The following IRAK2 variants were observed in gnomAD, a reference collection of about 807,000 sequenced individuals.
IRAK2 encodes the protein interleukin-1 receptor-associated kinase-like 2.
Under a neutral mutation model 72.0 loss-of-function variants are expected in IRAK2, and 57 were observed. The observed-to-expected ratio is 0.79, with a 90% confidence interval of 0.64 to 0.99. The LOEUF (loss-of-function observed/expected upper bound fraction) is 0.99, where lower values mean the gene tolerates loss of function less well. Ranked by LOEUF, IRAK2 falls within the 50% of genes least tolerant of loss-of-function variation. The pLI is 0.00. For missense variants in IRAK2, 790 were observed against 794.4 expected (o/e 0.99, Z 0.07); for synonymous variants, 293 against 312.7 (o/e 0.94, Z 0.67).
rs34176794 is a variant in IRAK2 at position 10,165,721 on chromosome 3, A to ATTTTTTTTT, written c.94+692_94+700dup. On this transcript the variant is annotated intron_variant, in intron 1 of 12. Transcript: ENST00000256458. ...ATGTTGGCCAGACTGGTCTTGAACT[A>ATTTTTTTTT]TTTTTTTTTTTTTTTTTTTTTTTTT... 1.3e-3 allele frequency among the ~76,000 whole-genome samples: 97 copies of ATTTTTTTTT among 76,770 alleles called. 4 individuals are homozygous for ATTTTTTTTT. Among genetic ancestry groups the ATTTTTTTTT allele is most frequent in the African/African-American group, 4.8e-3 (96 of 19,856 alleles). 50.4% of individuals were successfully genotyped at this position (76,770 alleles called of 152,430 possible).
At chr3:10,200,806 T>A (rs1471590680) in intron 3 of IRAK2, among the ~76,000 whole-genome samples, 1 of 151,994 alleles carries the variant, frequency 6.6e-6, no homozygotes, top group Non-Finnish European at 1.5e-5. Context: ...GAGGCTGAGG[T>A]AGGGGGATTG....
At chr3:10,229,027 G>A (rs1711114) in intron 10 of IRAK2, among the ~76,000 whole-genome samples, 38,137 of 151,190 alleles carry the variant, frequency 0.25, 6,336 homozygotes, top group East Asian at 0.72. Flanking sequence ...TCCACCCCCC[G>A]GGTTCAAGAG....
intron 2 of IRAK2, among the ~76,000 whole-genome samples, chr3:10,190,666 T>G (rs1697161195): frequency 6.6e-6 from 1 of 152,166 alleles, no homozygotes; most frequent in Admixed American, 6.5e-5. Context: ...CATCCTTTAT[T>G]GAACTCCTGC....
At chr3:10,210,818 C>T (rs1697506468) in intron 4 of IRAK2, among the ~76,000 whole-genome samples, 1 of 152,170 alleles carries the variant, frequency 6.6e-6, no homozygotes, top group Admixed American at 6.6e-5. Context: ...TTGAGACCAA[C>T]CTGGGCAACA....
chr3:10,232,113 C>T (rs901026440), intron 10 of IRAK2, among the ~76,000 whole-genome samples: 5 of 149,078 alleles, frequency 3.4e-5, no homozygotes, highest in Non-Finnish European at 5.9e-5. Flanking sequence ...GGCGACAGAG[C>T]GAGACTCCGT....
chr3:10,189,340 G>A (rs1044435415), intron 2 of IRAK2, among the ~76,000 whole-genome samples: 1 of 152,240 alleles, frequency 6.6e-6, no homozygotes, highest in African/African-American at 2.4e-5. Context: ...GACAGGGCAG[G>A]GTCAGGCCAC....
intron 11 of IRAK2, among the ~76,000 whole-genome samples, chr3:10,237,578 C>T (rs976360719): frequency 2.6e-5 from 4 of 151,988 alleles, no homozygotes; most frequent in Admixed American, 6.6e-5. Flanking sequence ...GAGGCCGAGG[C>T]GGGCGGATCA....
At chr3:10,165,198 C>T in intron 1 of IRAK2, 150 bp downstream of exon 1, 2 of 647,336 alleles carry the variant, frequency 3.1e-6, no homozygotes, top group Non-Finnish European at 5.2e-6. Context: ...CCGGGTCCGC[C>T]GCGGACCTCG....
intron 12 of IRAK2, among the ~76,000 whole-genome samples, chr3:10,240,026 AG>A (rs1170336981): frequency 1.3e-5 from 2 of 151,634 alleles, no homozygotes; most frequent in African/African-American, 4.9e-5. Flanking sequence ...GTGTGCCTGT[AG>A]TCCCAGCTAC....
intron 2 of IRAK2, among the ~76,000 whole-genome samples, chr3:10,188,169 G>C (rs1272404554): frequency 6.6e-6 from 1 of 152,162 alleles, no homozygotes; most frequent in South Asian, 2.1e-4. Flanking sequence ...CCAAAGGCTG[G>C]GTTAGGTGCT....
At chr3:10,233,241 G>A (rs779251656) in intron 10 of IRAK2, among the ~76,000 whole-genome samples, 10 of 151,978 alleles carry the variant, frequency 6.6e-5, no homozygotes, top group Non-Finnish European at 1.5e-4. Flanking sequence ...TAGTAGCGAC[G>A]AGGTTTCACC....
intron 10 of IRAK2, among the ~76,000 whole-genome samples, chr3:10,231,758 GC>G (rs983404799): frequency 6.6e-6 from 1 of 152,014 alleles, no homozygotes; most frequent in African/African-American, 2.4e-5. Flanking sequence ...TTAAGCATTC[GC>G]CTGCCTCAAC....
At position 10,243,474 on chromosome 3, in the gene IRAK2, T is replaced by C. The variant is rs1698092414; in HGVS notation, c.*1246T>C. 6.6e-6 allele frequency: 1 copy of C among 152,654 alleles called. No homozygotes were observed. Among genetic ancestry groups the C allele is most frequent in the African/African-American group, 2.4e-5 (1 of 41,462 alleles). 9.5% of individuals were successfully genotyped at this position (152,654 alleles called of 1,614,324 possible). ...TAAGTAAAATAACACCTGCTTGTTC[T>C]TCATCCCTGGGCTGTTGGGAGGAAC... On this transcript the variant is annotated 3_prime_UTR_variant, in exon 13 of 13. Coordinates refer to ENST00000256458, the MANE Select transcript of IRAK2 (RefSeq NM_001570.4).
chr3:10,181,070 C>T (rs941511400), intron 2 of IRAK2, among the ~76,000 whole-genome samples: 3 of 152,106 alleles, frequency 2.0e-5, no homozygotes, highest in Non-Finnish European at 4.4e-5. Flanking sequence ...GGTGGCTCCT[C>T]TTGAGTCATG....
intron 6 of IRAK2, among the ~76,000 whole-genome samples, chr3:10,214,252 G>C (rs372577901): frequency 6.6e-6 from 1 of 151,272 alleles, no homozygotes; most frequent in Non-Finnish European, 1.5e-5. Flanking sequence ...TAAGAGCTAG[G>C]GTCTTGCTCT....
At chr3:10,176,065 G>GTTT (rs58627914) in intron 1 of IRAK2, among the ~76,000 whole-genome samples, 56 of 77,350 alleles carry the variant, frequency 7.2e-4, no homozygotes, top group Middle Eastern at 9.3e-3. Context: ...TATTGTCCAT[G>GTTT]TTTTTTTTTT....
chr3:10,177,693 A>G, intron 1 of IRAK2, 145 bp from the exon 2 acceptor site: 1 of 765,434 alleles, frequency 1.3e-6, no homozygotes, highest in Admixed American at 2.2e-5. Context: ...CCACCTGTGG[A>G]CCTCAGCTAA....
intron 7 of IRAK2, among the ~76,000 whole-genome samples, chr3:10,217,323 A>T (rs989101587): frequency 2.0e-5 from 3 of 152,192 alleles, no homozygotes; most frequent in Non-Finnish European, 2.9e-5. Flanking sequence ...GCTCAAAAAG[A>T]TCTGATTAAA....
chr3:10,239,181 A>C, intron 12 of IRAK2, 142 bp downstream of exon 12: 1 of 748,736 alleles, frequency 1.3e-6, no homozygotes, highest in South Asian at 1.9e-5. Flanking sequence ...TTCACAGAGA[A>C]ACCTGGGAGG....
Sources: gnomAD v4.1 joint callset for allele counts (sites outside exome capture counted in the v4.1 genomes callset) on GRCh38, gnomAD v4.1.1 for gene constraint, MANE v1.5 for transcripts, NCBI Gene and HGNC (gene_info 2026-07-23, HGNC 2026-07-21) for gene names.